C19orf18: variants seen among roughly 807,000 people sequenced by gnomAD.
C19orf18 encodes the protein chromosome 19 open reading frame 18.
Under a neutral mutation model 23.3 loss-of-function variants are expected in C19orf18, and 21 were observed. That is an observed-to-expected ratio of 0.90 (90% confidence interval 0.64 to 1.30). The LOEUF is 1.30. Ranked by LOEUF, C19orf18 falls within the 50% of genes most tolerant of loss-of-function variation. C19orf18 has a pLI of 0.00. For synonymous variants in C19orf18, 96 were observed against 95.2 expected (o/e 1.01, Z -0.05); for missense variants, 249 against 259.6 (o/e 0.96, Z 0.28).
intron 3 of C19orf18, among the ~76,000 whole-genome samples, chr19:57,968,431 C>T (rs2072922827): frequency 6.6e-6 from 1 of 152,108 alleles, no homozygotes; most frequent in Non-Finnish European, 1.5e-5. Flanking sequence ...GGACACAGGC[C>T]AGCCTTGGCA....
intron 3 of C19orf18, among the ~76,000 whole-genome samples, chr19:57,968,011 C>G (rs2072920041): frequency 1.3e-5 from 1 of 77,528 alleles, no homozygotes; most frequent in African/African-American, 8.7e-5. Flanking sequence ...GACCCTGTCT[C>G]AAAAAAAGAA....
At chr19:57,966,046 C>T (rs4801533) in intron 4 of C19orf18, among the ~76,000 whole-genome samples, 7,961 of 151,002 alleles carry the variant, frequency 0.053, 311 homozygotes, top group Non-Finnish European at 0.072. Context: ...GGCACGATCT[C>T]GGCTCACTGC....
chr19:57,965,856 C>A (rs1450189265), intron 4 of C19orf18, among the ~76,000 whole-genome samples: 1 of 152,076 alleles, frequency 6.6e-6, no homozygotes, highest in Non-Finnish European at 1.5e-5. Flanking sequence ...ATCATGACTC[C>A]CAGTAAGAAA....
At chr19:57,971,363 G>C (rs1010431844) in intron 3 of C19orf18, among the ~76,000 whole-genome samples, 11 of 151,840 alleles carry the variant, frequency 7.2e-5, no homozygotes, top group Non-Finnish European at 1.6e-4. Flanking sequence ...ACCACCCCAG[G>C]GCCAGGTCCC....
chr19:57,971,931 G>C (rs2072947401), intron 3 of C19orf18, among the ~76,000 whole-genome samples: 1 of 152,114 alleles, frequency 6.6e-6, no homozygotes, highest in Admixed American at 6.6e-5. Context: ...CAGCATATGT[G>C]ATTAAATAAA....
rs549390031 is a variant in C19orf18, at chr19:57,959,135, C to G, written c.533-418G>C. ...GTGAGGATGGTTAGTATGTCTGAAT[C>G]ACACACTACACTCTCTATAGTTTTC... On this transcript the variant is annotated intron_variant, in intron 5 of 5. Transcript: ENST00000314391. Among the ~76,000 whole-genome samples the G allele has an allele frequency of 2.6e-4, 39 of 152,274 alleles. 1 individual carries two copies. The highest frequency in any genetic ancestry group is 5.0e-4 in the Non-Finnish European group (34 of 68,022).
intron 3 of C19orf18, among the ~76,000 whole-genome samples, chr19:57,970,934 G>T (rs1194769358): frequency 1.3e-5 from 2 of 152,218 alleles, no homozygotes; most frequent in East Asian, 3.9e-4. Context: ...AAGCTCAGGG[G>T]TGGCAGAGGT....
At chr19:57,969,325 G>GCC (rs2072927903) in intron 3 of C19orf18, among the ~76,000 whole-genome samples, 1 of 151,974 alleles carries the variant, frequency 6.6e-6, no homozygotes, top group African/African-American at 2.4e-5. Context: ...GGGAGGCCGA[G>GCC]GTGTGCGGAT....
Position 57,974,079 on chromosome 19 carries a change from T to A in C19orf18, c.226+20A>T. ...AGGCTACGATTCTCACTCCACTGAA[T>A]GAGGAATTCAATGACTCACCCGTGG... On this transcript the variant is annotated intron_variant, in intron 2 of 5. Coordinates refer to ENST00000314391, the MANE Select transcript of C19orf18 (RefSeq NM_152474.5). 6.2e-7 allele frequency: 1 copy of A among 1,606,396 alleles called. No individual in the cohort carries two copies. Among genetic ancestry groups the A allele is most frequent in the Non-Finnish European group, 8.5e-7 (1 of 1,173,074 alleles).
intron 4 of C19orf18, among the ~76,000 whole-genome samples, chr19:57,962,212 T>A (rs745982027): frequency 1.5e-3 from 233 of 152,134 alleles, no homozygotes; most frequent in South Asian, 2.7e-3. Flanking sequence ...TTTTGTATTT[T>A]TTTTTTTAGA....
At chr19:57,959,671 C>T (rs937542753) in intron 5 of C19orf18, among the ~76,000 whole-genome samples, 18 of 150,810 alleles carry the variant, frequency 1.2e-4, no homozygotes, top group Non-Finnish European at 2.4e-4. Flanking sequence ...TGACATGCAC[C>T]GTAGTCCCAG....
chr19:57,960,324 G>T (rs530702549), intron 5 of C19orf18, among the ~76,000 whole-genome samples: 1 of 151,270 alleles, frequency 6.6e-6, no homozygotes, highest in African/African-American at 2.4e-5. Context: ...TACTCGGGAG[G>T]CTGAGGCAGG....
intron 3 of C19orf18, among the ~76,000 whole-genome samples, chr19:57,967,752 TA>T (rs927749347): frequency 2.2e-4 from 29 of 133,638 alleles, no homozygotes; most frequent in African/African-American, 2.5e-4. Context: ...AACCCTGTCT[TA>T]AAAAAAAAAA....
At chr19:57,967,113 C>T (rs2072914198) in intron 3 of C19orf18, among the ~76,000 whole-genome samples, 1 of 143,104 alleles carries the variant, frequency 7.0e-6, no homozygotes, top group African/African-American at 2.7e-5. Context: ...AAAACTGAAA[C>T]AGACCATTGG....
At chr19:57,960,303 A>G (rs1320818752) in intron 5 of C19orf18, among the ~76,000 whole-genome samples, 4 of 137,984 alleles carry the variant, frequency 2.9e-5, no homozygotes, top group African/African-American at 1.1e-4. Context: ...GCGGGTGCCT[A>G]TAGTCCCAGC....
In C19orf18 at chr19:57,974,507, T is replaced by C. The variant is rs1216160659; in HGVS notation, c.-75A>G. 1.3e-5 allele frequency: 20 copies of C among 1,555,666 alleles called. No individual in the cohort carries two copies. Among genetic ancestry groups the C allele is most frequent in the Admixed American group, 1.7e-5 (1 of 57,588 alleles). ...GCTACAGTCCAGCATCTGTCCTCTATTTATCTGAGGAATCAAGAAGTTCTA... is the reference window on the plus strand; with the variant it reads ...GCTACAGTCCAGCATCTGTCCTCTACTTATCTGAGGAATCAAGAAGTTCTA... On this transcript the variant is annotated 5_prime_UTR_variant, in exon 1 of 6. Coordinates refer to ENST00000314391, the MANE Select transcript of C19orf18 (RefSeq NM_152474.5).
Position 57,964,436 on chromosome 19 carries a change from C to T in C19orf18, c.371+2094G>A, listed in dbSNP as rs2072894587. 2.0e-5 allele frequency among the ~76,000 whole-genome samples: 3 copies of T among 152,138 alleles called. No homozygotes were observed. In the South Asian group the frequency reaches 6.2e-4, roughly 31 times the overall value. ...AGCTGGGACTACAGGTGCGTGCTAC[C>T]ACACCTGGCTAATTTTTGTATTTTT... On this transcript the variant is annotated intron_variant, in intron 4 of 5. Transcript: ENST00000314391.
At chr19:57,967,222 AAAGT>A (rs1419591565) in intron 3 of C19orf18, among the ~76,000 whole-genome samples, 1 of 152,198 alleles carries the variant, frequency 6.6e-6, no homozygotes, top group Non-Finnish European at 1.5e-5. Flanking sequence ...GAGTGAGAAG[AAAGT>A]AACTGTAGAC....
intron 3 of C19orf18, among the ~76,000 whole-genome samples, chr19:57,970,089 A>C (rs2072934971): frequency 6.6e-6 from 1 of 152,204 alleles, no homozygotes; most frequent in Admixed American, 6.5e-5. Context: ...TAAATTATTC[A>C]AACTTAAACT....
Sources: allele counts gnomAD v4.1 joint callset (sites outside exome capture counted in the v4.1 genomes callset), GRCh38; gene constraint gnomAD v4.1.1; transcripts MANE v1.5; gene names NCBI Gene and HGNC (gene_info 2026-07-23, HGNC 2026-07-21).